NCALD: variants seen among roughly 807,000 people sequenced by gnomAD.
NCALD encodes the protein neurocalcin delta.
Under a neutral mutation model 18.6 loss-of-function variants are expected in NCALD, and 10 were observed. The observed-to-expected ratio is 0.54, with a 90% confidence interval of 0.33 to 0.91. NCALD has a LOEUF of 0.91. NCALD is among the 40% of genes least tolerant of loss of function. NCALD has a pLI of 0.03. For missense variants in NCALD, 184 were observed against 247.6 expected (o/e 0.74, Z 1.72); for synonymous variants, 88 against 87.4 (o/e 1.01, Z -0.04).
chr8:101,800,965 A>AGAGGGGAGGG (rs1812824863), intron 4 of NCALD, among the ~76,000 whole-genome samples: 4 of 85,072 alleles, frequency 4.7e-5, no homozygotes, highest in Middle Eastern at 5.1e-3. Context: ...GGAGGGGAGA[A>AGAGGGGAGGG]GAGGGGAGGG....
rs764146465 is a variant in NCALD at position 101,687,980 on chromosome 8, G to T, written c.*1329C>A. ...CAGACACACTTGCCCATGTCTTTATGATGAATTTGATGACTGCCCAACCTC... is the reference window on the plus strand; with the variant it reads ...CAGACACACTTGCCCATGTCTTTATTATGAATTTGATGACTGCCCAACCTC... On this transcript the variant is annotated 3_prime_UTR_variant, in exon 4 of 4. Transcript: ENST00000220931. 2 of 152,250 alleles carry T rather than the reference G, an allele frequency of 1.3e-5. No individual in the cohort carries two copies. Among genetic ancestry groups the T allele is most frequent in the Non-Finnish European group, 2.9e-5 (2 of 68,058 alleles). 9.4% of individuals were successfully genotyped at this position (152,250 alleles called of 1,614,324 possible). A position where few individuals can be genotyped will look rare whatever the true frequency, so the allele number is the denominator to read the frequency against.
At chr8:102,094,378 T>C (rs1825023178) in intron 1 of NCALD, among the ~76,000 whole-genome samples, 1 of 152,236 alleles carries the variant, frequency 6.6e-6, no homozygotes, top group South Asian at 2.1e-4. Context: ...GTAAGGTAGA[T>C]ACTGTACTCA....
At chr8:101,693,114 C>G in intron 2 of NCALD, 1 of 443,626 alleles carries the variant, frequency 2.3e-6, no homozygotes, top group Non-Finnish European at 4.2e-6. Context: ...GGAGGGACAA[C>G]CAGCAGGAAG....
At chr8:102,053,281 G>A (rs1169480870) in intron 1 of NCALD, among the ~76,000 whole-genome samples, 3 of 152,062 alleles carry the variant, frequency 2.0e-5, no homozygotes, top group Non-Finnish European at 4.4e-5. Flanking sequence ...ATTAAGAGAT[G>A]TTTAAATAGT....
At chr8:102,121,492 C>CT (rs1478652323) in intron 1 of NCALD, among the ~76,000 whole-genome samples, 1 of 152,136 alleles carries the variant, frequency 6.6e-6, no homozygotes, top group Non-Finnish European at 1.5e-5. Context: ...TGTTATCATA[C>CT]CAATACCAGG....
intron 1 of NCALD, among the ~76,000 whole-genome samples, chr8:102,080,102 T>TA (rs944579310): frequency 2.6e-5 from 4 of 151,694 alleles, no homozygotes; most frequent in Admixed American, 6.6e-5. Flanking sequence ...CTTACCTTCT[T>TA]AAAAAAAAAT....
intron 1 of NCALD, among the ~76,000 whole-genome samples, chr8:102,118,382 C>T (rs973624982): frequency 2.0e-5 from 3 of 152,242 alleles, no homozygotes; most frequent in South Asian, 2.1e-4. Context: ...TGATCTTACC[C>T]GCACCTTTGT....
chr8:101,688,961 A>T lies in NCALD; in HGVS notation c.*348T>A, dbSNP rs765117275. On this transcript the variant is annotated 3_prime_UTR_variant, in exon 4 of 4. Transcript: ENST00000220931. ...AAAAGCCCCTTGAAGCTTGCAATAG[A>T]ATCACAGGACTGGATGGGTTTCCCT... The T allele has an allele frequency of 1.5e-6, 1 of 654,526 alleles. No individual in the cohort carries two copies. Among genetic ancestry groups the T allele is most frequent in the Non-Finnish European group, 2.7e-6 (1 of 366,554 alleles). 40.5% of individuals were successfully genotyped at this position (654,526 alleles called of 1,614,324 possible). A position where few individuals can be genotyped will look rare whatever the true frequency, so the allele number is the denominator to read the frequency against.
rs568343546 is a variant in NCALD, at chr8:101,973,884, C to T, written c.-157+46353G>A. On this transcript the variant is annotated intron_variant, in intron 2 of 6. Coordinates refer to the NCALD transcript ENST00000311028. ...TTTATTGAACAGCTACTATGAGTCA[C>T]GCACTGTACCAGGTGCTGAGAGCTG... 1.1e-3 allele frequency among the ~76,000 whole-genome samples: 162 copies of T among 152,300 alleles called. 1 individual carries two copies. Among genetic ancestry groups the T allele is most frequent in the African/African-American group, 3.4e-3 (140 of 41,568 alleles).
chr8:101,948,235 T>C (rs187869042), intron 2 of NCALD, among the ~76,000 whole-genome samples: 23 of 152,294 alleles, frequency 1.5e-4, no homozygotes, highest in Admixed American at 1.4e-3. Flanking sequence ...TGGCCCAAGA[T>C]ATAAAGAAAC....
At chr8:102,119,237 A>C (rs1268047954) in intron 1 of NCALD, among the ~76,000 whole-genome samples, 1 of 152,236 alleles carries the variant, frequency 6.6e-6, no homozygotes, top group East Asian at 1.9e-4. Flanking sequence ...ACAGTATTCC[A>C]CCTTAAAAAG....
At chr8:101,987,216 T>G (rs1476309331) in intron 2 of NCALD, among the ~76,000 whole-genome samples, 2 of 152,194 alleles carry the variant, frequency 1.3e-5, no homozygotes, top group Non-Finnish European at 2.9e-5. Context: ...GGGGCGACTA[T>G]TGCCTTTTCT....
At chr8:101,886,864 A>C (rs1414835284) in intron 4 of NCALD, among the ~76,000 whole-genome samples, 3 of 152,176 alleles carry the variant, frequency 2.0e-5, no homozygotes, top group Non-Finnish European at 4.4e-5. Context: ...TGTTTTACTA[A>C]ATCTCTTGTA....
At position 101,801,724 on chromosome 8, in the gene NCALD, T is replaced by A. The variant is rs36106367; in HGVS notation, c.-19-82076A>T. Among the ~76,000 whole-genome samples, 4 of 130,712 alleles carry A rather than the reference T, an allele frequency of 3.1e-5. No individual in the cohort carries two copies. The East Asian group carries it at 7.8e-4, about 26-fold the overall frequency. The allele number at this position is 130,712 out of a possible 152,430, so 85.8% of individuals were successfully genotyped here. On this transcript the variant is annotated intron_variant, in intron 4 of 6. Coordinates refer to the NCALD transcript ENST00000311028. ...CTCTGTCGCCCAGGCTGGAGTGCAGTGGCACTATCTCGGCTCACTGCAAGC... is the reference window on the plus strand; with the variant it reads ...CTCTGTCGCCCAGGCTGGAGTGCAGAGGCACTATCTCGGCTCACTGCAAGC...
chr8:102,005,889 GGC>G lies in NCALD; in HGVS notation c.-157+14346_-157+14347del, dbSNP rs1382020930. 2.5e-4 allele frequency among the ~76,000 whole-genome samples: 34 copies of G among 134,952 alleles called. 1 individual carries two copies. In the Middle Eastern group the frequency reaches 0.014, roughly 57 times the overall value. 88.5% of individuals were successfully genotyped at this position (134,952 alleles called of 152,430 possible). On this transcript the variant is annotated intron_variant, in intron 2 of 6. Coordinates refer to the NCALD transcript ENST00000311028. ...ACTGGGGCCTGTTGTGGGGTGGGGG[GGC>G]AGGGGGGAGGGATAGCATTAGGAGA...
intron 1 of NCALD, among the ~76,000 whole-genome samples, chr8:102,088,278 T>A (rs892903308): frequency 6.6e-6 from 1 of 152,208 alleles, no homozygotes; most frequent in Non-Finnish European, 1.5e-5. Context: ...TGATTTAATA[T>A]CTGCATGACC....
chr8:101,711,769 T>C (rs192256714), intron 2 of NCALD, among the ~76,000 whole-genome samples: 27 of 152,062 alleles, frequency 1.8e-4, no homozygotes, highest in Admixed American at 5.9e-4. Context: ...TACGGGACTA[T>C]GTGAAAAGAC....
intron 1 of NCALD, among the ~76,000 whole-genome samples, chr8:101,768,781 G>T (rs1053931093): frequency 6.6e-6 from 1 of 151,820 alleles, no homozygotes; most frequent in Non-Finnish European, 1.5e-5. Flanking sequence ...AAAAGAAGGG[G>T]TAAATTAATT....
intron 2 of NCALD, among the ~76,000 whole-genome samples, chr8:102,000,145 T>C (rs1192443133): frequency 6.6e-6 from 1 of 152,152 alleles, no homozygotes; most frequent in Non-Finnish European, 1.5e-5. Context: ...GGATGACGGA[T>C]GGCACCTGGA....
Sources: allele counts gnomAD v4.1 joint callset (sites outside exome capture counted in the v4.1 genomes callset), GRCh38; gene constraint gnomAD v4.1.1; transcripts MANE v1.5; gene names NCBI Gene and HGNC (gene_info 2026-07-23, HGNC 2026-07-21).